RASA1: variants seen among roughly 807,000 people sequenced by gnomAD.
RASA1 encodes ras GTPase-activating protein 1.
Under a neutral mutation model 132.2 loss-of-function variants are expected in RASA1, and 25 were observed. The observed-to-expected ratio is 0.19, with a 90% CI of 0.14 to 0.26. RASA1 has a LOEUF of 0.26. RASA1 is among the 10% of genes least tolerant of loss of function. The probability of loss-of-function intolerance (pLI) is 1.00; values close to 1 mark genes in which losing one functional copy is unlikely to be tolerated. For missense variants in RASA1, 964 were observed against 1,299.2 expected (o/e 0.74, Z 3.97); for synonymous variants, 477 against 449.9 (o/e 1.06, Z -0.76).
Position 87,363,581 on chromosome 5 carries a change from G to C in RASA1, c.1610+77G>C, listed in dbSNP as rs1760275304. 5.4e-6 allele frequency: 8 copies of C among 1,495,228 alleles called. No individual in the cohort carries two copies. In the South Asian group the frequency reaches 8.1e-5, roughly 15 times the overall value. The allele number at this position is 1,495,228 out of a possible 1,614,324, so 92.6% of individuals were successfully genotyped here. ...AGTACAAACAAAGCAAACCAATTTT[G>C]AGAGCCCTAAAATCATCTTCTAAAA... On this transcript the variant is annotated intron_variant, in intron 11 of 24. Transcript: ENST00000274376.
Position 87,379,798 on chromosome 5 carries a change from A to G in RASA1, c.2551A>G (p.Ile851Val). The G allele has an allele frequency of 6.2e-7, 1 of 1,612,982 alleles. No individual in the cohort carries two copies. Among genetic ancestry groups the G allele is most frequent in the South Asian group, 1.1e-5 (1 of 91,058 alleles). ...CACTAATTTAACACACCTATTGAAC[A>G]TACTTTCAGAGCTTGTGGAGAAAAT... ...VNTNLTHLLN[I>V]LSELVEKIFM... is the part of the protein sequence containing the mutation. Residue 851 changes from isoleucine (I) to valine (V), a missense_variant, in exon 19 of 25, where the codon ATA (isoleucine) becomes GTA (valine). Ile to Val is a conservative substitution (Grantham distance 29). Coordinates refer to ENST00000274376, the MANE Select transcript of RASA1 (RefSeq NM_002890.3).
At chr5:87,305,816 A>G (rs1755582033) in intron 1 of RASA1, among the ~76,000 whole-genome samples, 1 of 152,194 alleles carries the variant, frequency 6.6e-6, no homozygotes, top group African/African-American at 2.4e-5. Context: ...AATGTGGGCA[A>G]AGGACATGAA....
At chr5:87,372,082 G>C in intron 12 of RASA1, 36 bp from the exon 13 acceptor site, 1 of 1,570,992 alleles carries the variant, frequency 6.4e-7, no homozygotes, top group South Asian at 1.1e-5. Context: ...AAATAAACTA[G>C]TGTATATTTC....
chr5:87,380,946 T>C (rs1761669666), intron 20 of RASA1, among the ~76,000 whole-genome samples: 1 of 152,314 alleles, frequency 6.6e-6, no homozygotes, highest in South Asian at 2.1e-4. Context: ...GGGCAGTAAT[T>C]GACCGATTTA....
intron 1 of RASA1, chr5:87,331,053 T>C: frequency 8.1e-7 from 1 of 1,230,932 alleles, no homozygotes; most frequent in Non-Finnish European, 1.1e-6. Flanking sequence ...GCAGTAGTGT[T>C]TATATTTTGA....
chr5:87,326,312 T>G (rs1757226136), intron 1 of RASA1, among the ~76,000 whole-genome samples: 1 of 152,172 alleles, frequency 6.6e-6, no homozygotes, highest in African/African-American at 2.4e-5. Flanking sequence ...ATTCCAAATT[T>G]AAAATAGAGT....
In RASA1 at chr5:87,391,017, CAA is replaced by C; in HGVS notation, c.*137_*138del. The C allele has an allele frequency of 1.1e-6, 1 of 895,334 alleles. No individual in the cohort carries two copies. The highest frequency in any genetic ancestry group is 1.8e-6 in the Non-Finnish European group (1 of 548,674). The allele number at this position is 895,334 out of a possible 1,614,324, so 55.5% of individuals were successfully genotyped here. A position where few individuals can be genotyped will look rare whatever the true frequency, so the allele number is the denominator to read the frequency against. On this transcript the variant is annotated 3_prime_UTR_variant, in exon 25 of 25. Coordinates refer to ENST00000274376, the MANE Select transcript of RASA1 (RefSeq NM_002890.3). Reference sequence around the variant, plus strand: ...TCCAGTGATGTGTGAGCTATGCAAACAAAATCCAAGATTCTGCTGGTGAATAA... The same window carrying C: ...TCCAGTGATGTGTGAGCTATGCAAACAATCCAAGATTCTGCTGGTGAATAA...
intron 1 of RASA1, among the ~76,000 whole-genome samples, chr5:87,296,042 C>T (rs1017012481): frequency 2.6e-5 from 4 of 152,136 alleles, no homozygotes; most frequent in Non-Finnish European, 4.4e-5. Context: ...GTGTTGAATT[C>T]CTGACCTCGA....
At chr5:87,386,583 A>G (rs952882687) in intron 22 of RASA1, among the ~76,000 whole-genome samples, 6 of 151,952 alleles carry the variant, frequency 3.9e-5, no homozygotes, top group Non-Finnish European at 4.4e-5. Flanking sequence ...CAGTATAGCC[A>G]TTTGCTTATA....
At chr5:87,285,127 G>T (rs1014215860) in intron 1 of RASA1, among the ~76,000 whole-genome samples, 2 of 151,464 alleles carry the variant, frequency 1.3e-5, no homozygotes, top group Non-Finnish European at 2.9e-5. Flanking sequence ...TAGTGCAGTG[G>T]TGTGATCTCG....
In RASA1 at chr5:87,380,553, A is replaced by T; in HGVS notation, c.2648A>T (p.His883Leu). ...IYGCLQKSVQHKWPTNTTMRT... is the reference protein window; with the variant it reads ...IYGCLQKSVQLKWPTNTTMRT... ...GGGTGTTTACAGAAATCTGTTCAGC[A>T]TAAGTGGCCTACAAATACCACCATG... Residue 883 changes from histidine to leucine, a missense_variant, in exon 20 of 25, where the codon CAT becomes CTT. Physicochemically the swap from His to Leu is moderately conservative, Grantham distance 99 (BLOSUM62 -3). Coordinates refer to ENST00000274376, the MANE Select transcript of RASA1 (RefSeq NM_002890.3). 2 of 1,613,566 alleles carry T rather than the reference A, an allele frequency of 1.2e-6. No individual in the cohort carries two copies. The highest frequency in any genetic ancestry group is 1.7e-4 in the Middle Eastern group (1 of 6,052).
chr5:87,387,059 A>G (rs1023027650), intron 23 of RASA1, among the ~76,000 whole-genome samples, 156 bp downstream of exon 23: 5 of 152,166 alleles, frequency 3.3e-5, no homozygotes, highest in Admixed American at 1.3e-4. Context: ...CAAAAAACAT[A>G]TTTTTGTTTG....
At chr5:87,323,916 C>G (rs1439685500) in intron 1 of RASA1, among the ~76,000 whole-genome samples, 1 of 152,162 alleles carries the variant, frequency 6.6e-6, no homozygotes, top group Non-Finnish European at 1.5e-5. Context: ...CTCCTACTTA[C>G]TATACCAGAT....
chr5:87,331,311 T>C (rs781206758), intron 1 of RASA1, 37 bp from the exon 2 acceptor site: 2 of 1,557,218 alleles, frequency 1.3e-6, no homozygotes, highest in Admixed American at 3.4e-5. Flanking sequence ...CTGCACTTGC[T>C]ATTTATATTG....
At chr5:87,380,710 C>A in intron 20 of RASA1, 115 bp downstream of exon 20, 2 of 974,308 alleles carry the variant, frequency 2.1e-6, no homozygotes, top group Non-Finnish European at 1.6e-6. Context: ...TATGTCAAAG[C>A]CCTGTTGCAT....
rs1367334791 is a variant in RASA1, at chr5:87,362,616, A to G, written c.1398A>G (p.Lys466=). ...AAATCTATAATACCATCCGTCGTAAAACAAAGGATGCCTTTTATAAAAACA... is the reference window on the plus strand; with the variant it reads ...AAATCTATAATACCATCCGTCGTAAGACAAAGGATGCCTTTTATAAAAACA... The part of the protein sequence containing the change: ...GKEIYNTIRR[K]TKDAFYKNIV... Residue 466 remains lysine (K), a synonymous_variant, in exon 10 of 25, where the codon AAA becomes AAG. Transcript: ENST00000274376. 3 of 1,598,442 alleles carry G rather than the reference A, an allele frequency of 1.9e-6. No individual in the cohort carries two copies. Among genetic ancestry groups the G allele is most frequent in the Non-Finnish European group, 2.6e-6 (3 of 1,166,038 alleles).
intron 1 of RASA1, among the ~76,000 whole-genome samples, chr5:87,302,761 C>G (rs776548065): frequency 6.6e-6 from 1 of 151,086 alleles, no homozygotes; most frequent in Non-Finnish European, 1.5e-5. Flanking sequence ...CTAATACGCA[C>G]ACCACCTCTT....
intron 4 of RASA1, 119 bp from the exon 5 acceptor site, chr5:87,337,855 T>C (rs1250047200): frequency 9.0e-7 from 1 of 1,107,436 alleles, no homozygotes; most frequent in Non-Finnish European, 1.2e-6. Context: ...GGTGTTTGAC[T>C]CTAATTCCTT....
chr5:87,271,542 C>T (rs932987674), intron 1 of RASA1, among the ~76,000 whole-genome samples: 1 of 131,916 alleles, frequency 7.6e-6, no homozygotes, highest in Non-Finnish European at 1.5e-5. Context: ...GTTTTCGGCT[C>T]ACTGCAAGCT....
Sources: allele counts gnomAD v4.1 joint callset (sites outside exome capture counted in the v4.1 genomes callset), GRCh38; gene constraint gnomAD v4.1.1; transcripts MANE v1.5; gene names NCBI Gene and HGNC (gene_info 2026-07-23, HGNC 2026-07-21).